The following SPATS2 variants were observed in gnomAD, a reference collection of about 807,000 sequenced individuals.
The protein encoded by SPATS2 is spermatogenesis-associated serine-rich protein 2.
Under a neutral mutation model 63.7 loss-of-function variants are expected in SPATS2, and 38 were observed. The ratio of observed to expected loss-of-function variants is 0.60; its 90% confidence interval spans 0.46 to 0.78. SPATS2 has a LOEUF of 0.78. Among genes scored for constraint, SPATS2 ranks in the 30% least tolerant of loss-of-function variants. The pLI is 0.00. For synonymous variants in SPATS2, 207 were observed against 232.9 expected, an observed-to-expected ratio of 0.89 and a Z score of 1.01; for missense variants, 588 against 666.2, an observed-to-expected ratio of 0.88 and a Z score of 1.29.
At chr12:49,453,182 T>C (rs1592411671) in intron 2 of SPATS2, among the ~76,000 whole-genome samples, 1 of 144,518 alleles carries the variant, frequency 6.9e-6, no homozygotes, top group Admixed American at 6.8e-5. Flanking sequence ...AAAAAAGAAA[T>C]TTGGAGTCTG....
chr12:49,511,995 G>T (rs57398316), intron 9 of SPATS2, among the ~76,000 whole-genome samples: 4,584 of 152,258 alleles, frequency 0.03, 224 homozygotes, highest in African/African-American at 0.1. Context: ...ATTTGCAGAT[G>T]TAGATGACAT....
intron 2 of SPATS2, among the ~76,000 whole-genome samples, chr12:49,459,107 A>C (rs1592418586): frequency 6.6e-6 from 1 of 152,256 alleles, no homozygotes; most frequent in Middle Eastern, 3.4e-3. Flanking sequence ...AAGGGAAGAA[A>C]GTTTCGTAAT....
intron 2 of SPATS2, among the ~76,000 whole-genome samples, chr12:49,434,902 G>A (rs766567040): frequency 7.3e-5 from 11 of 150,954 alleles, no homozygotes; most frequent in South Asian, 2.1e-4. Flanking sequence ...ACATCCAGCC[G>A]TTATTATTTA....
Position 49,389,897 on chromosome 12 carries a change from A to G in SPATS2, c.-244+18607A>G, listed in dbSNP as rs891958625. 7 of 819,634 alleles carry G rather than the reference A, an allele frequency of 8.5e-6. No homozygotes were observed. In the African/African-American group the frequency reaches 1.0e-4, roughly 12 times the overall value. 50.8% of individuals were successfully genotyped at this position (819,634 alleles called of 1,614,324 possible). A position where few individuals can be genotyped will look rare whatever the true frequency, so the allele number is the denominator to read the frequency against. On this transcript the variant is annotated intron_variant, in intron 2 of 13. Transcript: ENST00000552918. ...ATCCGGGAAAAATAATGAAGTTAAC[A>G]AAAGCAGCACTCCAAGGATACAGGC...
intron 2 of SPATS2, 111 bp downstream of exon 2, chr12:49,371,401 G>A (rs971928485): frequency 6.6e-6 from 1 of 152,108 alleles, no homozygotes; most frequent in Non-Finnish European, 1.5e-5. Context: ...TCCTTTTTAA[G>A]CCTGAATAAT....
At chr12:49,398,096 A>T (rs1944542324) in intron 2 of SPATS2, among the ~76,000 whole-genome samples, 1 of 139,384 alleles carries the variant, frequency 7.2e-6, no homozygotes, top group Non-Finnish European at 1.5e-5. Context: ...AGATCAAGCC[A>T]CTGCACTCCA....
At chr12:49,401,823 G>A (rs976603682) in intron 2 of SPATS2, among the ~76,000 whole-genome samples, 1 of 151,910 alleles carries the variant, frequency 6.6e-6, no homozygotes, top group Admixed American at 6.6e-5. Flanking sequence ...TCAGCCTCCT[G>A]AGTAGCTGGG....
intron 2 of SPATS2, among the ~76,000 whole-genome samples, chr12:49,448,340 C>T (rs754808538): frequency 7.2e-5 from 11 of 151,812 alleles, no homozygotes; most frequent in African/African-American, 9.7e-5. Flanking sequence ...GGGGTTTCAC[C>T]GTGTTAGTCA....
intron 2 of SPATS2, chr12:49,441,944 C>T (rs1398664203): frequency 6.6e-6 from 1 of 152,084 alleles, no homozygotes; most frequent in Non-Finnish European, 1.5e-5. Flanking sequence ...ACAGAGCGCA[C>T]ACAATTCTGA....
intron 2 of SPATS2, among the ~76,000 whole-genome samples, chr12:49,452,287 AT>A (rs1166888279): frequency 1.3e-5 from 2 of 152,068 alleles, no homozygotes; most frequent in East Asian, 3.8e-4. Flanking sequence ...TTTTTAAAAA[AT>A]TTTTACTTTT....
intron 3 of SPATS2, among the ~76,000 whole-genome samples, chr12:49,483,057 C>T (rs1285148113): frequency 8.9e-5 from 13 of 145,884 alleles, no homozygotes; most frequent in Admixed American, 5.0e-4. Context: ...CCAAAATGTT[C>T]GGATTATAGG....
intron 3 of SPATS2, 24 bp from the exon 4 acceptor site, chr12:49,484,566 T>C: frequency 6.2e-7 from 1 of 1,608,034 alleles, no homozygotes; most frequent in Non-Finnish European, 8.5e-7. Flanking sequence ...TCATGTTGAA[T>C]ATATTTTTCC....
intron 2 of SPATS2, chr12:49,387,057 A>G (rs1036086620): frequency 2.6e-5 from 4 of 152,082 alleles, no homozygotes; most frequent in Non-Finnish European, 5.9e-5. Context: ...TTTTTAGGGA[A>G]TAAGGAGGGA....
intron 12 of SPATS2, among the ~76,000 whole-genome samples, chr12:49,523,124 G>A (rs1183515320): frequency 6.6e-6 from 1 of 152,116 alleles, no homozygotes; most frequent in Non-Finnish European, 1.5e-5. Context: ...GGGCCCTACA[G>A]TCAGATCAAG....
intron 8 of SPATS2, among the ~76,000 whole-genome samples, chr12:49,497,850 A>C (rs1404138770): frequency 6.6e-6 from 1 of 152,060 alleles, no homozygotes. Context: ...TTAAAAAAAA[A>C]AGAAAACTAC....
chr12:49,492,838 G>A (rs1293787220), intron 6 of SPATS2, among the ~76,000 whole-genome samples: 1 of 152,080 alleles, frequency 6.6e-6, no homozygotes, highest in African/African-American at 2.4e-5. Context: ...GTTCATGCCT[G>A]TAATTCCAGC....
intron 2 of SPATS2, among the ~76,000 whole-genome samples, chr12:49,414,935 C>CTTTTTTTTT (rs199648430): frequency 7.4e-6 from 1 of 135,914 alleles, no homozygotes. Flanking sequence ...TTTTCTTTTT[C>CTTTTTTTTT]TTTTCTTTTT....
intron 2 of SPATS2, among the ~76,000 whole-genome samples, chr12:49,428,257 AAAACAAAC>A (rs376602671): frequency 2.0e-5 from 3 of 151,080 alleles, no homozygotes; most frequent in African/African-American, 7.4e-5. Flanking sequence ...CCCGTCTCAA[AAAACAAAC>A]AAACAAACAA....
intron 2 of SPATS2, among the ~76,000 whole-genome samples, chr12:49,412,547 A>G (rs2137367471): frequency 6.6e-6 from 1 of 152,154 alleles, no homozygotes; most frequent in South Asian, 2.1e-4. Flanking sequence ...AAATGTTAGT[A>G]GGCAGTAAAC....
Sources: gnomAD v4.1 joint callset for allele counts (sites outside exome capture counted in the v4.1 genomes callset) on GRCh38, gnomAD v4.1.1 for gene constraint, MANE v1.5 for transcripts, NCBI Gene and HGNC (gene_info 2026-07-23, HGNC 2026-07-21) for gene names.